PABPC4L: variants seen among roughly 807,000 people sequenced by gnomAD.
PABPC4L encodes the protein poly(A) binding protein cytoplasmic 4 like.
For synonymous variants in PABPC4L, 169 were observed against 164.1 expected, an observed-to-expected ratio of 1.03 and a Z score of -0.23; for missense variants, 452 against 451.4, an observed-to-expected ratio of 1.00 and a Z score of -0.01.
chr4:134,041,851 T>C, the PABPC4L span, among the ~76,000 whole-genome samples: 1 of 152,152 alleles, frequency 6.6e-6, no homozygotes, highest in Non-Finnish European at 1.5e-5. Context: ...ACAATCTCTA[T>C]GGAAAACAGC....
the PABPC4L span, among the ~76,000 whole-genome samples, chr4:134,002,655 T>A: frequency 2.0e-5 from 3 of 152,116 alleles, no homozygotes; most frequent in Admixed American, 1.3e-4. Flanking sequence ...AAGTATCACC[T>A]TATATTTGTT....
At chr4:133,978,967 A>G in the PABPC4L span, 4 of 152,200 alleles carry the variant, frequency 2.6e-5, no homozygotes, top group South Asian at 2.1e-4. Flanking sequence ...ATATAATGTA[A>G]TTTGAAAAGA....
At chr4:134,013,201 C>T in the PABPC4L span, among the ~76,000 whole-genome samples, 29 of 152,110 alleles carry the variant, frequency 1.9e-4, no homozygotes, top group Admixed American at 1.3e-3. Context: ...CCCTTAGCGG[C>T]AAGTCCCACT....
At chr4:134,104,599 G>C in the PABPC4L span, among the ~76,000 whole-genome samples, 3 of 151,622 alleles carry the variant, frequency 2.0e-5, no homozygotes, top group African/African-American at 7.3e-5. Flanking sequence ...CTAGGTACCT[G>C]CCTAGTTATA....
the PABPC4L span, among the ~76,000 whole-genome samples, chr4:134,091,704 T>A: frequency 6.6e-6 from 1 of 151,636 alleles, no homozygotes. Context: ...ATTTTTGAGT[T>A]TTTTTTTAAA....
At chr4:133,995,757 G>A in the PABPC4L span, among the ~76,000 whole-genome samples, 8 of 152,126 alleles carry the variant, frequency 5.3e-5, no homozygotes, top group South Asian at 2.1e-4. Flanking sequence ...CGTCTCGCCC[G>A]GCCACTTGAT....
the PABPC4L span, among the ~76,000 whole-genome samples, chr4:133,985,405 G>A: frequency 5.6e-3 from 847 of 152,074 alleles, 8 homozygotes; most frequent in African/African-American, 0.019. Flanking sequence ...ATGGAGATTG[G>A]ACTATAAGCA....
At chr4:133,991,035 G>C in the PABPC4L span, among the ~76,000 whole-genome samples, 1 of 152,068 alleles carries the variant, frequency 6.6e-6, no homozygotes, top group Non-Finnish European at 1.5e-5. Context: ...AGGTTTTGTT[G>C]ATTGAAGAGT....
the PABPC4L span, among the ~76,000 whole-genome samples, chr4:134,132,995 T>G: frequency 0.015 from 1,936 of 132,474 alleles, 42 homozygotes; most frequent in African/African-American, 0.054. Context: ...TTAATATATA[T>G]GATATATACT....
the PABPC4L span, among the ~76,000 whole-genome samples, chr4:134,032,224 T>TA: frequency 6.6e-6 from 1 of 151,838 alleles, no homozygotes; most frequent in African/African-American, 2.4e-5. Flanking sequence ...TTTTGATTGT[T>TA]AAAAAATAAA....
the PABPC4L span, among the ~76,000 whole-genome samples, chr4:134,017,717 C>T: frequency 3.3e-5 from 5 of 152,162 alleles, no homozygotes; most frequent in East Asian, 3.9e-4. Flanking sequence ...CATACAAAAC[C>T]GTATCCAGGC....
chr4:134,142,652 A>T, the PABPC4L span, among the ~76,000 whole-genome samples: 1 of 151,516 alleles, frequency 6.6e-6, no homozygotes, highest in African/African-American at 2.4e-5. Flanking sequence ...CATGTCCACA[A>T]CTAAAAATAC....
chr4:133,981,270 G>A, the PABPC4L span, among the ~76,000 whole-genome samples: 1 of 152,036 alleles, frequency 6.6e-6, no homozygotes, highest in Non-Finnish European at 1.5e-5. Flanking sequence ...CCCTCAATTA[G>A]GTTTTATGTG....
At chr4:134,121,464 A>C in the PABPC4L span, among the ~76,000 whole-genome samples, 1 of 151,668 alleles carries the variant, frequency 6.6e-6, no homozygotes, top group Non-Finnish European at 1.5e-5. Flanking sequence ...GTAGGGACAG[A>C]TCATATTGAT....
At chr4:134,070,153 G>A in the PABPC4L span, among the ~76,000 whole-genome samples, 1 of 151,960 alleles carries the variant, frequency 6.6e-6, no homozygotes, top group Non-Finnish European at 1.5e-5. Flanking sequence ...CCCCAGCTTT[G>A]TTTTCTGGAC....
chr4:134,130,146 C>T, the PABPC4L span, among the ~76,000 whole-genome samples: 1 of 144,366 alleles, frequency 6.9e-6, no homozygotes, highest in African/African-American at 2.6e-5. Flanking sequence ...GAAACAAAAA[C>T]AAACAAAACC....
chr4:134,127,772 C>A, the PABPC4L span, among the ~76,000 whole-genome samples: 1 of 152,016 alleles, frequency 6.6e-6, no homozygotes, highest in Non-Finnish European at 1.5e-5. Flanking sequence ...ATCACACTAG[C>A]TCATCAGCTA....
chr4:134,143,631 A>T, the PABPC4L span, among the ~76,000 whole-genome samples: 4 of 151,160 alleles, frequency 2.6e-5, no homozygotes, highest in Non-Finnish European at 5.9e-5. Flanking sequence ...TTTTATTGGC[A>T]TAAAGTAAAT....
the PABPC4L span, among the ~76,000 whole-genome samples, chr4:134,041,943 G>T: frequency 2.6e-5 from 4 of 152,026 alleles, no homozygotes; most frequent in African/African-American, 4.8e-5. Context: ...CACAGGAAAA[G>T]AAATCAAAAA....
Sources: gnomAD v4.1 joint callset for allele counts (sites outside exome capture counted in the v4.1 genomes callset) on GRCh38, gnomAD v4.1.1 for gene constraint, MANE v1.5 for transcripts, NCBI Gene and HGNC (gene_info 2026-07-23, HGNC 2026-07-21) for gene names.